DACH2: variants seen among roughly 807,000 people sequenced by gnomAD.
DACH2 encodes the protein dachshund homolog 2.
Under a neutral mutation model 35.8 loss-of-function variants are expected in DACH2, and 17 were observed. The observed-to-expected ratio is 0.48, with a 90% CI of 0.33 to 0.71. DACH2 has a LOEUF of 0.71. DACH2 is among the 30% of genes least tolerant of loss of function. The pLI is 0.02. For synonymous variants in DACH2, 195 were observed against 177.3 expected, an observed-to-expected ratio of 1.10 and a Z score of -0.79; for missense variants, 469 against 472.7, an observed-to-expected ratio of 0.99 and a Z score of 0.07.
chrX:86,765,684 G>A (rs759155204), intron 7 of DACH2, among the ~76,000 whole-genome samples: 1 of 27,876 alleles, frequency 3.6e-5, no homozygotes, highest in Non-Finnish European at 7.6e-5. Flanking sequence ...GGTTTTTTTT[G>A]TTGTTGTTTT....
chrX:86,242,080 A>G (rs1310173995), intron 1 of DACH2, among the ~76,000 whole-genome samples: 1 of 112,952 alleles, frequency 8.9e-6, no homozygotes, highest in Non-Finnish European at 1.9e-5. Context: ...GCCCTCACAC[A>G]GAGTCCCCAA....
intron 1 of DACH2, among the ~76,000 whole-genome samples, chrX:86,155,825 G>A (rs889633697): frequency 1.8e-5 from 2 of 110,728 alleles, no homozygotes; most frequent in East Asian, 2.8e-4. Context: ...AGTAAACACC[G>A]TTAAATGATA....
At chrX:86,335,814 C>T (rs749181729) in intron 1 of DACH2, among the ~76,000 whole-genome samples, 8 of 111,802 alleles carry the variant, frequency 7.2e-5, no homozygotes, top group Admixed American at 5.7e-4. Context: ...AGAGGGCATC[C>T]GTGTCTTGTG....
rs865799506 is a variant in DACH2 at position 86,161,244 on chromosome X, G to C, written c.488+12136G>C. On this transcript the variant is annotated intron_variant, in intron 1 of 11. Transcript: ENST00000373125. The stretch of plus-strand genomic sequence containing the variant: ...CACATCCAGTGTGTAAGCCAGAAGG[G>C]CATGCTCACTGGTCTGCCCATTCTT... 33 of 1,190,238 alleles carry C rather than the reference G, an allele frequency of 2.8e-5. No individual in the cohort carries two copies. In the African/African-American group the frequency reaches 3.7e-4, roughly 13 times the overall value.
intron 4 of DACH2, among the ~76,000 whole-genome samples, chrX:86,664,430 T>C (rs566101048): frequency 2.7e-5 from 3 of 111,358 alleles, no homozygotes; most frequent in African/African-American, 9.8e-5. Context: ...AGGAAAAGCA[T>C]CATGCTGTAA....
chrX:86,708,266 C>G (rs1240553811), intron 5 of DACH2, among the ~76,000 whole-genome samples: 2 of 110,140 alleles, frequency 1.8e-5, no homozygotes. Flanking sequence ...TTCTATTCAT[C>G]GTTATACTGG....
intron 1 of DACH2, among the ~76,000 whole-genome samples, chrX:86,373,122 C>T (rs2035914076): frequency 9.0e-6 from 1 of 110,648 alleles, no homozygotes; most frequent in Non-Finnish European, 1.9e-5. Flanking sequence ...ATGAGTAGTG[C>T]TGTGATGAAC....
intron 2 of DACH2, among the ~76,000 whole-genome samples, chrX:86,450,678 G>A (rs759611174): frequency 3.3e-4 from 36 of 109,601 alleles, no homozygotes; most frequent in South Asian, 7.9e-4. Context: ...AATAATTTAC[G>A]CTCCCACCAC....
intron 1 of DACH2, among the ~76,000 whole-genome samples, chrX:86,258,531 CTATT>C (rs766868595): frequency 9.0e-6 from 1 of 111,446 alleles, no homozygotes; most frequent in Non-Finnish European, 1.9e-5. Context: ...AGATTATTAT[CTATT>C]GTATTTTCAT....
chrX:86,180,199 T>TATATATATATATATATAA (rs2031440285), intron 1 of DACH2, among the ~76,000 whole-genome samples: 1 of 88,881 alleles, frequency 1.1e-5, no homozygotes. Context: ...TATATATATA[T>TATATATATATATATATAA]ATATATATGG....
intron 2 of DACH2, among the ~76,000 whole-genome samples, chrX:86,396,670 C>G (rs1348920176): frequency 9.0e-6 from 1 of 110,897 alleles, no homozygotes; most frequent in African/African-American, 3.3e-5. Flanking sequence ...GCTTGTTTTT[C>G]TCAGGTTTGT....
intron 1 of DACH2, among the ~76,000 whole-genome samples, chrX:86,322,458 C>A (rs747073704): frequency 9.0e-6 from 1 of 110,940 alleles, no homozygotes; most frequent in South Asian, 3.9e-4. Flanking sequence ...GTGCCCCCAC[C>A]GACGGTTCTC....
At chrX:86,375,800 CAAACA>C (rs1478389288) in intron 1 of DACH2, among the ~76,000 whole-genome samples, 2 of 109,350 alleles carry the variant, frequency 1.8e-5, no homozygotes, top group Admixed American at 2.0e-4. Context: ...TTTTCAAAAG[CAAACA>C]AAACAAAACA....
At chrX:86,628,863 G>C (rs1289777416) in intron 3 of DACH2, among the ~76,000 whole-genome samples, 2 of 111,746 alleles carry the variant, frequency 1.8e-5, no homozygotes, top group African/African-American at 6.5e-5. Context: ...TTACCTTTCT[G>C]GAAAGTGGTT....
intron 2 of DACH2, among the ~76,000 whole-genome samples, chrX:86,438,179 C>T (rs1309944146): frequency 9.4e-6 from 1 of 106,889 alleles, no homozygotes; most frequent in Non-Finnish European, 1.9e-5. Flanking sequence ...TAATGGCCTC[C>T]AGCTCCATCC....
chrX:86,536,912 A>G (rs746445313), intron 3 of DACH2, among the ~76,000 whole-genome samples: 2 of 111,185 alleles, frequency 1.8e-5, no homozygotes, highest in Non-Finnish European at 3.8e-5. Context: ...TGGTTTATAT[A>G]ATGAACAGAA....
At chrX:86,655,391 T>G (rs982626309) in intron 4 of DACH2, among the ~76,000 whole-genome samples, 2 of 112,096 alleles carry the variant, frequency 1.8e-5, no homozygotes, top group African/African-American at 6.5e-5. Flanking sequence ...TGTGGTGACA[T>G]AGAAGTGAGA....
At chrX:86,789,453 G>T (rs2147320705) in intron 7 of DACH2, among the ~76,000 whole-genome samples, 1 of 111,915 alleles carries the variant, frequency 8.9e-6, no homozygotes, top group East Asian at 2.8e-4. Context: ...CCAAAAGGTT[G>T]CATCTGGTAT....
intron 5 of DACH2, among the ~76,000 whole-genome samples, chrX:86,701,209 A>G: frequency 8.9e-6 from 1 of 111,951 alleles, no homozygotes; most frequent in South Asian, 3.7e-4. Flanking sequence ...GTTTCAATAT[A>G]TGCAAATAAA....
Sources: gnomAD v4.1 joint callset for allele counts (sites outside exome capture counted in the v4.1 genomes callset) on GRCh38, gnomAD v4.1.1 for gene constraint, MANE v1.5 for transcripts, NCBI Gene and HGNC (gene_info 2026-07-23, HGNC 2026-07-21) for gene names.